The following KCNH7 variants were observed in gnomAD, a reference collection of about 807,000 sequenced individuals.
KCNH7 encodes the protein potassium voltage-gated channel subfamily H member 7, also known as voltage-gated inwardly rectifying potassium channel KCNH7.
KCNH7 carries 49 observed loss-of-function variants against 120.8 expected under a neutral mutation model. That is an observed-to-expected ratio of 0.41 (90% confidence interval 0.32 to 0.51). The LOEUF (loss-of-function observed/expected upper bound fraction) is 0.51, where lower values mean the gene tolerates loss of function less well. Among genes scored for constraint, KCNH7 ranks in the 20% least tolerant of loss-of-function variants. The pLI is 0.38. For synonymous variants in KCNH7, 547 were observed against 516.1 expected, an observed-to-expected ratio of 1.06 and a Z score of -0.81; for missense variants, 1,097 against 1,446.6, an observed-to-expected ratio of 0.76 and a Z score of 3.92.
At chr2:162,652,975 G>T (rs1199999349) in intron 2 of KCNH7, among the ~76,000 whole-genome samples, 1 of 152,170 alleles carries the variant, frequency 6.6e-6, no homozygotes, top group East Asian at 1.9e-4. Context: ...TGAGCGGTAA[G>T]GCCTTACTTT....
chr2:162,679,825 T>C (rs1685653304), intron 2 of KCNH7, among the ~76,000 whole-genome samples: 2 of 151,772 alleles, frequency 1.3e-5, no homozygotes, highest in Non-Finnish European at 3.0e-5. Flanking sequence ...TACTTGGCCT[T>C]CTGAAACATC....
chr2:162,679,838 T>C (rs761056649), intron 2 of KCNH7, among the ~76,000 whole-genome samples: 1 of 151,772 alleles, frequency 6.6e-6, no homozygotes, highest in African/African-American at 2.4e-5. Context: ...GAAACATCTT[T>C]CTGAATTTGA....
intron 13 of KCNH7, among the ~76,000 whole-genome samples, chr2:162,383,592 T>C (rs1686489074): frequency 6.6e-6 from 1 of 151,964 alleles, no homozygotes; most frequent in Non-Finnish European, 1.5e-5. Flanking sequence ...TGATGATAAG[T>C]AATATTTACT....
intron 2 of KCNH7, among the ~76,000 whole-genome samples, chr2:162,649,935 T>G (rs1684507975): frequency 6.6e-6 from 1 of 152,204 alleles, no homozygotes; most frequent in Admixed American, 6.6e-5. Context: ...AATATATTCC[T>G]AATATATTGG....
chr2:162,513,240 TTCTC>T, intron 4 of KCNH7, among the ~76,000 whole-genome samples: 1 of 120,586 alleles, frequency 8.3e-6, no homozygotes, highest in Non-Finnish European at 1.7e-5. Flanking sequence ...CTTCCTCCCT[TTCTC>T]CCTTCCCTCT....
intron 2 of KCNH7, among the ~76,000 whole-genome samples, chr2:162,654,564 C>T (rs1401632645): frequency 6.6e-6 from 1 of 150,620 alleles, no homozygotes; most frequent in African/African-American, 2.5e-5. Flanking sequence ...TAGATTGGTA[C>T]AACCATTATA....
chr2:162,474,170 G>A (rs924119514), intron 6 of KCNH7, among the ~76,000 whole-genome samples: 2 of 152,158 alleles, frequency 1.3e-5, no homozygotes, highest in African/African-American at 4.8e-5. Flanking sequence ...GTCCCATGAG[G>A]TTAGCAAACT....
Position 162,656,063 on chromosome 2 carries a change from A to G in KCNH7, c.308-118983T>C, listed in dbSNP as rs539020867. The stretch of plus-strand genomic sequence containing the variant: ...TATTACTTTATGTGTCAAGCCCTTC[A>G]AAAAGATTCCATTGTACTGTATATA... On this transcript the variant is annotated intron_variant, in intron 2 of 15. Coordinates refer to ENST00000332142, the MANE Select transcript of KCNH7 (RefSeq NM_033272.4). 1.3e-4 allele frequency among the ~76,000 whole-genome samples: 20 copies of G among 152,342 alleles called. No homozygotes were observed. In the East Asian group the frequency reaches 3.1e-3, roughly 24 times the overall value.
rs556180673 is a variant in KCNH7, at chr2:162,763,856, C to T, written c.307+72681G>A. On this transcript the variant is annotated intron_variant, in intron 2 of 15. Transcript: ENST00000332142. ...ATGTGTCAACTACTATAGTAGTCTC[C>T]GGAGATTAAAAAATTTAGCTATTTT... Among the ~76,000 whole-genome samples, 13 of 150,774 alleles carry T rather than the reference C, an allele frequency of 8.6e-5. No individual in the cohort carries two copies. The South Asian group carries it at 1.0e-3, about 12-fold the overall frequency.
intron 2 of KCNH7, among the ~76,000 whole-genome samples, chr2:162,668,004 G>A (rs541455922): frequency 6.6e-6 from 1 of 152,234 alleles, no homozygotes; most frequent in South Asian, 2.1e-4. Flanking sequence ...GTTTTTAAAA[G>A]CATATAAAAT....
At chr2:162,506,697 A>G (rs1034489683) in intron 5 of KCNH7, among the ~76,000 whole-genome samples, 1 of 151,766 alleles carries the variant, frequency 6.6e-6, no homozygotes, top group African/African-American at 2.4e-5. Context: ...AAATTCACGG[A>G]TCATCGATGT....
chr2:162,483,295 T>C (rs1689988413), intron 6 of KCNH7, among the ~76,000 whole-genome samples: 1 of 152,170 alleles, frequency 6.6e-6, no homozygotes, highest in Admixed American at 6.6e-5. Context: ...TTTAGGATCA[T>C]GTAGAATGAA....
chr2:162,508,376 A>G lies in KCNH7; in HGVS notation c.914-3719T>C, dbSNP rs117345202. On this transcript the variant is annotated intron_variant, in intron 5 of 15. Coordinates refer to ENST00000332142, the MANE Select transcript of KCNH7 (RefSeq NM_033272.4). ...AAATAGTTAATCCACATTTTCTTTT[A>G]ATCTATATTTTAATTAATTCAGCAA... Among the ~76,000 whole-genome samples the G allele has an allele frequency of 4.1e-3, 620 of 150,778 alleles. 25 individuals carry two copies. In the East Asian group the frequency reaches 0.095, roughly 23 times the overall value.
At chr2:162,420,781 T>TAA (rs1687678331) in intron 9 of KCNH7, among the ~76,000 whole-genome samples, 1 of 152,174 alleles carries the variant, frequency 6.6e-6, no homozygotes, top group African/African-American at 2.4e-5. Context: ...AGGTTATACG[T>TAA]AAAATATCAT....
At chr2:162,587,551 A>C (rs2105927275) in intron 2 of KCNH7, among the ~76,000 whole-genome samples, 1 of 152,258 alleles carries the variant, frequency 6.6e-6, no homozygotes, top group Middle Eastern at 3.4e-3. Flanking sequence ...TAGCAGAAGC[A>C]GCAGAAAAAA....
At chr2:162,445,968 CT>C (rs1688562882) in intron 7 of KCNH7, 49 bp downstream of exon 7, 1 of 1,417,260 alleles carries the variant, frequency 7.1e-7, no homozygotes, top group Non-Finnish European at 9.6e-7. Flanking sequence ...AATAGATTCA[CT>C]TTTATAATTG....
chr2:162,400,572 C>T, intron 9 of KCNH7, 131 bp from the exon 10 acceptor site: 1 of 823,154 alleles, frequency 1.2e-6, no homozygotes, highest in Non-Finnish European at 1.9e-6. Context: ...ACTCTTCTAC[C>T]TCGCCTACCT....
intron 2 of KCNH7, among the ~76,000 whole-genome samples, chr2:162,735,716 A>C (rs926466885): frequency 1.3e-5 from 2 of 152,058 alleles, no homozygotes; most frequent in South Asian, 2.1e-4. Context: ...AAAAAGCCTA[A>C]TCTCCAAATT....
intron 2 of KCNH7, among the ~76,000 whole-genome samples, chr2:162,642,396 T>C (rs1684191965): frequency 1.3e-5 from 2 of 152,196 alleles, no homozygotes; most frequent in Non-Finnish European, 2.9e-5. Context: ...AGCCCTTAAG[T>C]TAATTCTTGT....
Sources: gnomAD v4.1 joint callset for allele counts (sites outside exome capture counted in the v4.1 genomes callset) on GRCh38, gnomAD v4.1.1 for gene constraint, MANE v1.5 for transcripts, NCBI Gene and HGNC (gene_info 2026-07-23, HGNC 2026-07-21) for gene names.